Variants in BICRAL observed in about 807,000 individuals in gnomAD.
BICRAL encodes BICRA like chromatin remodeling complex associated protein.
Under a neutral mutation model 91.8 loss-of-function variants are expected in BICRAL, and 8 were observed. That is an observed-to-expected ratio of 0.09 (90% CI 0.05 to 0.16). BICRAL has a LOEUF of 0.16. Ranked by LOEUF, BICRAL falls within the 10% of genes least tolerant of loss-of-function variation. The probability of loss-of-function intolerance (pLI) is 1.00; values close to 1 mark genes in which losing one functional copy is unlikely to be tolerated. For missense variants in BICRAL, 1,038 were observed against 1,310.9 expected (o/e 0.79, Z 3.21); for synonymous variants, 445 against 491.1 (o/e 0.91, Z 1.24).
chr6:42,838,080 C>G (rs1166428117), intron 6 of BICRAL, among the ~76,000 whole-genome samples: 3 of 152,116 alleles, frequency 2.0e-5, no homozygotes, highest in Non-Finnish European at 4.4e-5. Flanking sequence ...ACTTTTTTCT[C>G]TTAACCATTT....
chr6:42,772,760 G>C (rs1480619569), intron 1 of BICRAL, among the ~76,000 whole-genome samples: 1 of 152,112 alleles, frequency 6.6e-6, no homozygotes, highest in Non-Finnish European at 1.5e-5. Flanking sequence ...AGATCAATGG[G>C]AGGCCAAGCA....
chr6:42,791,348 GCT>G (rs1310505350), intron 1 of BICRAL, among the ~76,000 whole-genome samples: 12 of 151,994 alleles, frequency 7.9e-5, no homozygotes, highest in African/African-American at 2.4e-4. Context: ...GGGTTATTTG[GCT>G]CTCTTATCTT....
rs557170460 is a variant in BICRAL at position 42,822,416 on chromosome 6, G to GT, written c.41+366dup. Among the ~76,000 whole-genome samples, 972 of 137,184 alleles carry GT rather than the reference G, an allele frequency of 7.1e-3. 8 individuals are homozygous for GT. The highest frequency in any genetic ancestry group is 0.026 in the Middle Eastern group (7 of 274). 90.0% of individuals were successfully genotyped at this position (137,184 alleles called of 152,430 possible). A position where few individuals can be genotyped will look rare whatever the true frequency, so the allele number is the denominator to read the frequency against. On this transcript the variant is annotated intron_variant, in intron 3 of 12. Coordinates refer to ENST00000314073, the MANE Select transcript of BICRAL (RefSeq NM_001393499.1). ...CCACCATGCCTGGCTAATTTTTTGT[G>GT]TTTTTTTTTTTTTGTAGAGACAGGG...
rs550598484 is a variant in BICRAL, at chr6:42,790,076, G to A, written c.-102+7975G>A. ...ACCATTGAATGTGTGGCGGCTTATA[G>A]CATTTGACATTCTGATCTGTGCACG... On this transcript the variant is annotated intron_variant, in intron 1 of 12. Coordinates refer to ENST00000314073, the MANE Select transcript of BICRAL (RefSeq NM_001393499.1). Among the ~76,000 whole-genome samples, 15 of 152,276 alleles carry A rather than the reference G, an allele frequency of 9.9e-5. No individual in the cohort carries two copies. In the South Asian group the frequency reaches 3.1e-3, roughly 32 times the overall value.
chr6:42,748,345 C>G (rs776949813), intron 1 of BICRAL, among the ~76,000 whole-genome samples: 3 of 152,228 alleles, frequency 2.0e-5, no homozygotes, highest in South Asian at 2.1e-4. Context: ...AAATTAAGAA[C>G]GTTTGTAGCT....
chr6:42,830,492 G>A (rs1764441062), intron 6 of BICRAL, among the ~76,000 whole-genome samples: 1 of 152,132 alleles, frequency 6.6e-6, no homozygotes, highest in Non-Finnish European at 1.5e-5. Context: ...CTTGAGCATG[G>A]GAGGTTGAGG....
chr6:42,847,194 G>A (rs1029759733), intron 6 of BICRAL, among the ~76,000 whole-genome samples: 2 of 152,162 alleles, frequency 1.3e-5, no homozygotes. Context: ...AGGTTGCAGT[G>A]AGCTAAGATC....
intron 6 of BICRAL, among the ~76,000 whole-genome samples, chr6:42,851,052 G>C (rs965670681): frequency 1.3e-5 from 2 of 151,258 alleles, no homozygotes; most frequent in African/African-American, 4.9e-5. Context: ...GGACGTGGTG[G>C]CATGCACCTG....
upstream of BICRAL, among the ~76,000 whole-genome samples, chr6:42,781,596 G>GGTGTGTGT (rs61437847): frequency 8.0e-3 from 828 of 103,396 alleles, 12 homozygotes; most frequent in Middle Eastern, 0.024. Flanking sequence ...TGGGTGGGTG[G>GGTGTGTGT]GTGTGTGTGT....
At chr6:42,824,216 G>T (rs944811771) in intron 5 of BICRAL, among the ~76,000 whole-genome samples, 7 of 150,534 alleles carry the variant, frequency 4.7e-5, no homozygotes, top group African/African-American at 1.7e-4. Context: ...GGCCACATAG[G>T]GAGACTCTGT....
intron 1 of BICRAL, among the ~76,000 whole-genome samples, chr6:42,751,610 C>A (rs544020202): frequency 6.6e-6 from 1 of 151,784 alleles, no homozygotes; most frequent in African/African-American, 2.4e-5. Context: ...GTGGAAGATA[C>A]CAGCCACACC....
At chr6:42,859,727 C>T (rs992114327) in intron 10 of BICRAL, among the ~76,000 whole-genome samples, 2 of 152,184 alleles carry the variant, frequency 1.3e-5, no homozygotes, top group Admixed American at 6.6e-5. Flanking sequence ...CTGCAAGCTC[C>T]GCCTTCTGGG....
chr6:42,772,030 G>A (rs1762745441), intron 1 of BICRAL, among the ~76,000 whole-genome samples: 1 of 152,096 alleles, frequency 6.6e-6, no homozygotes, highest in Admixed American at 6.5e-5. Flanking sequence ...ATTGTAAAGT[G>A]ATCAGTGGGT....
chr6:42,851,621 TTATATCATC>T (rs748549955), intron 6 of BICRAL, among the ~76,000 whole-genome samples: 2 of 152,118 alleles, frequency 1.3e-5, no homozygotes, highest in Admixed American at 6.6e-5. Context: ...GAAATATACT[TTATATCATC>T]TACACAGCAA....
chr6:42,789,943 G>A (rs1022857787), intron 1 of BICRAL, among the ~76,000 whole-genome samples: 32 of 152,238 alleles, frequency 2.1e-4, no homozygotes, highest in African/African-American at 7.7e-4. Flanking sequence ...TCAGTACTTG[G>A]AGAACCTAGG....
chr6:42,844,721 C>T (rs1764939068), intron 6 of BICRAL, among the ~76,000 whole-genome samples: 1 of 151,848 alleles, frequency 6.6e-6, no homozygotes, highest in Non-Finnish European at 1.5e-5. Flanking sequence ...AGGAGGTGTG[C>T]TCATGAGCAT....
intron 5 of BICRAL, among the ~76,000 whole-genome samples, chr6:42,827,878 C>T (rs528718109): frequency 7.2e-5 from 11 of 152,024 alleles, no homozygotes; most frequent in African/African-American, 2.7e-4. Context: ...GATCGAGACC[C>T]CAGATCAAAA....
In BICRAL at chr6:42,857,250, G is replaced by A; in HGVS notation, c.2254+14G>A. 6.2e-7 allele frequency: 1 copy of A among 1,607,960 alleles called. No individual in the cohort carries two copies. The highest frequency in any genetic ancestry group is 8.5e-7 in the Non-Finnish European group (1 of 1,176,014). ...ACTTGAGAAAAGGTAAGCAGGCTGG[G>A]ACCCTAAGGCACCACTCTGATACCA... On this transcript the variant is annotated intron_variant, in intron 10 of 12. Coordinates refer to ENST00000314073, the MANE Select transcript of BICRAL (RefSeq NM_001393499.1).
intron 1 of BICRAL, among the ~76,000 whole-genome samples, chr6:42,752,970 A>G (rs1173909008): frequency 7.8e-6 from 1 of 128,066 alleles, no homozygotes; most frequent in Non-Finnish European, 1.6e-5. Flanking sequence ...TCTGTCACCC[A>G]GGCTAGAGTG....
Sources: allele counts gnomAD v4.1 joint callset (sites outside exome capture counted in the v4.1 genomes callset), GRCh38; gene constraint gnomAD v4.1.1; transcripts MANE v1.5; gene names NCBI Gene and HGNC (gene_info 2026-07-23, HGNC 2026-07-21).